DNAI4: variants seen among roughly 807,000 people sequenced by gnomAD.
DNAI4 encodes the protein dynein axonemal intermediate chain 4.
DNAI4 carries 85 observed loss-of-function variants against 105.8 expected under a neutral mutation model. That is an observed-to-expected ratio of 0.80 (90% CI 0.67 to 0.96). DNAI4 has a LOEUF of 0.96. Ranked by LOEUF, DNAI4 falls within the 40% of genes least tolerant of loss-of-function variation. The pLI is 0.00. For missense variants in DNAI4, 1,014 were observed against 1,005.6 expected (o/e 1.01, Z -0.11); for synonymous variants, 352 against 331.5 (o/e 1.06, Z -0.67).
chr1:66,908,370 C>G (rs1250415605), intron 1 of DNAI4, among the ~76,000 whole-genome samples: 2 of 152,174 alleles, frequency 1.3e-5, no homozygotes, highest in African/African-American at 4.8e-5. Context: ...AGAATCCACA[C>G]CATTATGGGG....
intron 4 of DNAI4, among the ~76,000 whole-genome samples, chr1:66,882,900 A>G (rs1331932602): frequency 4.6e-5 from 7 of 152,132 alleles, no homozygotes; most frequent in Non-Finnish European, 7.3e-5. Context: ...TATCTTTACA[A>G]TACTGAATGT....
intron 8 of DNAI4, among the ~76,000 whole-genome samples, chr1:66,847,197 T>A (rs1354656861): frequency 6.6e-6 from 1 of 152,248 alleles, no homozygotes; most frequent in Non-Finnish European, 1.5e-5. Context: ...AAACATGTCC[T>A]CTGATAATGA....
chr1:66,842,369 T>C (rs150084180), intron 8 of DNAI4, among the ~76,000 whole-genome samples: 1 of 152,066 alleles, frequency 6.6e-6, no homozygotes, highest in Non-Finnish European at 1.5e-5. Flanking sequence ...GGTAAGAGTA[T>C]GTTTGGGTTT....
At chr1:66,840,383 C>A (rs1646123952) in intron 9 of DNAI4, 86 bp downstream of exon 9, 10 of 1,303,390 alleles carry the variant, frequency 7.7e-6, no homozygotes, top group South Asian at 1.2e-5. Context: ...TGTGCCATAT[C>A]TAAGGAAAAC....
intron 1 of DNAI4, among the ~76,000 whole-genome samples, chr1:66,918,820 G>A (rs923834856): frequency 1.3e-5 from 2 of 152,166 alleles, no homozygotes; most frequent in African/African-American, 4.8e-5. Flanking sequence ...TGGGGGAAAT[G>A]TAAAAGGAAA....
chr1:66,891,037 C>G, intron 4 of DNAI4, 117 bp downstream of exon 4: 1 of 857,470 alleles, frequency 1.2e-6, no homozygotes, highest in Non-Finnish European at 1.9e-6. Flanking sequence ...AGCGACTTCA[C>G]AAGCCAGCAT....
rs1553227521 is a variant in DNAI4, at chr1:66,892,991, A to AAGAAAGAAAGAAAGAAAGAG, written c.530+237_530+238insCTCTTTCTTTCTTTCTTTCT. 2.8e-5 allele frequency among the ~76,000 whole-genome samples: 3 copies of AAGAAAGAAAGAAAGAAAGAG among 108,004 alleles called. No homozygotes were observed. In the East Asian group the frequency reaches 5.9e-4, roughly 21 times the overall value. The allele number at this position is 108,004 out of a possible 152,430, so 70.9% of individuals were successfully genotyped here. A position where few individuals can be genotyped will look rare whatever the true frequency, so the allele number is the denominator to read the frequency against. Reference sequence around the variant, plus strand: ...AAAGAAAGAAAGAAAGAAAGAAAGAAAGAAAGAGAGAAAGAGAGAGAGGAA... The same window carrying AAGAAAGAAAGAAAGAAAGAG: ...AAAGAAAGAAAGAAAGAAAGAAAGAAAGAAAGAAAGAAAGAAAGAGAGAAAGAGAGAAAGAGAGAGAGGAA... On this transcript the variant is annotated intron_variant, in intron 3 of 16. Transcript: ENST00000371026.
At chr1:66,870,109 C>T (rs961274130) in intron 6 of DNAI4, among the ~76,000 whole-genome samples, 1 of 152,134 alleles carries the variant, frequency 6.6e-6, no homozygotes, top group African/African-American at 2.4e-5. Flanking sequence ...TTTGTAAAAA[C>T]TAGCTTATAG....
chr1:66,875,534 A>G (rs1191006952), intron 4 of DNAI4, among the ~76,000 whole-genome samples: 1 of 152,184 alleles, frequency 6.6e-6, no homozygotes, highest in African/African-American at 2.4e-5. Context: ...TAGGACAGTC[A>G]GAACTTGATC....
intron 3 of DNAI4, among the ~76,000 whole-genome samples, chr1:66,892,246 T>C (rs894453386): frequency 9.8e-5 from 15 of 152,330 alleles, no homozygotes; most frequent in African/African-American, 3.4e-4. Flanking sequence ...CAGGTACTCC[T>C]ATATTTTTGC....
intron 10 of DNAI4, among the ~76,000 whole-genome samples, chr1:66,837,291 G>A (rs1646045240): frequency 6.6e-6 from 1 of 150,794 alleles, no homozygotes; most frequent in Non-Finnish European, 1.5e-5. Context: ...TTAAACCCCG[G>A]GAGGCAGAGT....
At chr1:66,838,673 C>T (rs1646081778) in intron 9 of DNAI4, among the ~76,000 whole-genome samples, 1 of 152,222 alleles carries the variant, frequency 6.6e-6, no homozygotes, top group African/African-American at 2.4e-5. Context: ...CACCACCTTA[C>T]TTTCAGGCCA....
Position 66,837,782 on chromosome 1 carries a change from A to G in DNAI4, c.1509T>C (p.Val503=). 6.2e-7 allele frequency: 1 copy of G among 1,603,828 alleles called. No homozygotes were observed. The highest frequency in any genetic ancestry group is 8.5e-7 in the Non-Finnish European group (1 of 1,177,250). ...WNKTNPDLLA[V]GYGHFGFKEQ... The stretch of plus-strand genomic sequence containing the variant: ...CTTTAAATCCAAAGTGCCCATAGCC[A>G]ACAGCCAAAAGATCCTGAAAACCAG... The change falls in exon 10 of 17, where the codon GTT becomes GTC. Residue 503 remains valine (V), a synonymous_variant. Coordinates refer to ENST00000371026, the MANE Select transcript of DNAI4 (RefSeq NM_024763.5).
At chr1:66,899,454 T>C (rs1648618322) in intron 2 of DNAI4, among the ~76,000 whole-genome samples, 1 of 152,224 alleles carries the variant, frequency 6.6e-6, no homozygotes, top group Admixed American at 6.5e-5. Flanking sequence ...TATTAATGAA[T>C]TGTAAGAGTT....
At position 66,813,055 on chromosome 1, in the gene DNAI4, T is replaced by C. The variant is rs1645448857; in HGVS notation, c.*1075A>G. ...CCATGTAAAATTTGCCTTGCTTTTG[T>C]TTAAGGGATTGGTCCAAACAAATGG... On this transcript the variant is annotated 3_prime_UTR_variant, in exon 17 of 17. Transcript: ENST00000371026. 6.6e-6 allele frequency: 1 copy of C among 152,348 alleles called. No individual in the cohort carries two copies. Among genetic ancestry groups the C allele is most frequent in the Non-Finnish European group, 1.5e-5 (1 of 68,038 alleles). The allele number at this position is 152,348 out of a possible 1,614,324, so 9.4% of individuals were successfully genotyped here. A position where few individuals can be genotyped will look rare whatever the true frequency, so the allele number is the denominator to read the frequency against.
chr1:66,892,387 G>A (rs921186900), intron 3 of DNAI4, among the ~76,000 whole-genome samples: 12 of 152,284 alleles, frequency 7.9e-5, no homozygotes, highest in Middle Eastern at 3.4e-3. Flanking sequence ...ACCTCTTCCT[G>A]TAAAATGCAG....
At chr1:66,883,599 C>T (rs1463100924) in intron 4 of DNAI4, among the ~76,000 whole-genome samples, 1 of 152,030 alleles carries the variant, frequency 6.6e-6, no homozygotes, top group African/African-American at 2.4e-5. Flanking sequence ...AACTTTATTC[C>T]TTTTTTAAAA....
At chr1:66,923,490 C>T (rs1297549852) in intron 1 of DNAI4, among the ~76,000 whole-genome samples, 3 of 152,106 alleles carry the variant, frequency 2.0e-5, no homozygotes, top group Non-Finnish European at 4.4e-5. Flanking sequence ...AACCATGAAC[C>T]AAGACAAGAA....
At chr1:66,865,315 T>C (rs1646710770) in intron 6 of DNAI4, among the ~76,000 whole-genome samples, 1 of 151,972 alleles carries the variant, frequency 6.6e-6, no homozygotes, top group African/African-American at 2.4e-5. Flanking sequence ...TCGCAGCTAC[T>C]TGGGAGGCTG....
Sources: gnomAD v4.1 joint callset for allele counts (sites outside exome capture counted in the v4.1 genomes callset) on GRCh38, gnomAD v4.1.1 for gene constraint, MANE v1.5 for transcripts, NCBI Gene and HGNC (gene_info 2026-07-23, HGNC 2026-07-21) for gene names.